Variants in PARD3B observed in about 807,000 individuals in gnomAD.
The protein encoded by PARD3B is par-3 family cell polarity regulator beta, also known as partitioning defective 3 homolog B.
PARD3B carries 103 observed loss-of-function variants against 130.2 expected under a neutral mutation model. That is an observed-to-expected ratio of 0.79 (90% CI 0.67 to 0.93). PARD3B has a LOEUF of 0.93. Ranked by LOEUF, PARD3B falls within the 40% of genes least tolerant of loss-of-function variation. The pLI, the probability that PARD3B is intolerant of heterozygous loss-of-function variation, is 0.00. For synonymous variants in PARD3B, 583 were observed against 553.2 expected, an observed-to-expected ratio of 1.05 and a Z score of -0.76; for missense variants, 1,609 against 1,499.2, an observed-to-expected ratio of 1.07 and a Z score of -1.21.
At chr2:205,492,447 A>G (rs1048713574) in intron 20 of PARD3B, among the ~76,000 whole-genome samples, 1 of 152,210 alleles carries the variant, frequency 6.6e-6, no homozygotes, top group Non-Finnish European at 1.5e-5. Flanking sequence ...AAATGTCCAT[A>G]TAAGCTAAGA....
At chr2:204,935,665 C>T (rs1461985632) in intron 2 of PARD3B, among the ~76,000 whole-genome samples, 1 of 151,972 alleles carries the variant, frequency 6.6e-6, no homozygotes, top group East Asian at 1.9e-4. Context: ...AGTATTTTGT[C>T]AAGTATATCA....
At chr2:205,594,674 G>A (rs969260563) in intron 22 of PARD3B, among the ~76,000 whole-genome samples, 1 of 152,192 alleles carries the variant, frequency 6.6e-6, no homozygotes, top group African/African-American at 2.4e-5. Flanking sequence ...GAATTTTTAT[G>A]TGAAAGCCCT....
chr2:205,095,057 G>A (rs1415630523), intron 4 of PARD3B, among the ~76,000 whole-genome samples: 1 of 152,052 alleles, frequency 6.6e-6, no homozygotes, highest in African/African-American at 2.4e-5. Context: ...AATGAAAGAA[G>A]GATGTTTATA....
At chr2:204,827,739 G>A (rs1018486135) in intron 2 of PARD3B, among the ~76,000 whole-genome samples, 2 of 152,218 alleles carry the variant, frequency 1.3e-5, no homozygotes, top group Non-Finnish European at 2.9e-5. Context: ...CTTTACTACA[G>A]TTTTGAAATA....
intron 1 of PARD3B, among the ~76,000 whole-genome samples, chr2:204,601,333 T>C (rs1346923295): frequency 6.6e-6 from 1 of 151,992 alleles, no homozygotes; most frequent in African/African-American, 2.4e-5. Flanking sequence ...GCAGGCACGC[T>C]GATGGGTTTT....
At chr2:204,704,323 G>T (rs80328193) in intron 2 of PARD3B, among the ~76,000 whole-genome samples, 3 of 152,140 alleles carry the variant, frequency 2.0e-5, no homozygotes, top group Admixed American at 6.5e-5. Context: ...AAAGATGAAC[G>T]TTGAAACTGT....
intron 18 of PARD3B, among the ~76,000 whole-genome samples, chr2:205,307,035 T>C (rs1559644436): frequency 6.6e-6 from 1 of 152,248 alleles, no homozygotes; most frequent in Non-Finnish European, 1.5e-5. Context: ...CATGCAGTTA[T>C]ACCATGTAGA....
chr2:204,842,366 T>G (rs942446751), intron 2 of PARD3B, among the ~76,000 whole-genome samples: 4 of 152,108 alleles, frequency 2.6e-5, no homozygotes, highest in Non-Finnish European at 5.9e-5. Context: ...TGCTACAGAA[T>G]TGAGGTGGTT....
chr2:205,570,131 C>T (rs1333678978), intron 22 of PARD3B, among the ~76,000 whole-genome samples: 3 of 152,132 alleles, frequency 2.0e-5, no homozygotes, highest in African/African-American at 4.8e-5. Flanking sequence ...ATGAGAGGAG[C>T]GGTTCTTAAT....
At position 204,664,043 on chromosome 2, in the gene PARD3B, A is replaced by G. The variant is rs2035926268; in HGVS notation, c.121-22138A>G. Among the ~76,000 whole-genome samples, 2 of 152,114 alleles carry G rather than the reference A, an allele frequency of 1.3e-5. No homozygotes were observed. Among genetic ancestry groups the G allele is most frequent in the African/African-American group, 2.4e-5 (1 of 41,432 alleles). ...AGTAAACTCATATTGTTCAAAGAAT[A>G]GGGCCCTTAATTGGGTGGGATTTTT... On this transcript the variant is annotated intron_variant, in intron 1 of 22. Coordinates refer to ENST00000406610, the MANE Select transcript of PARD3B (RefSeq NM_001302769.2). The surrounding 1 kb of genome is among the most constrained non-coding windows in gnomAD (Gnocchi z 5.2).
At chr2:205,515,096 T>A (rs1390987630) in intron 21 of PARD3B, among the ~76,000 whole-genome samples, 1 of 152,140 alleles carries the variant, frequency 6.6e-6, no homozygotes, top group Non-Finnish European at 1.5e-5. Flanking sequence ...CAGTACTTGG[T>A]TTTCTGTTCC....
At chr2:204,609,187 AG>A (rs1171565166) in intron 1 of PARD3B, among the ~76,000 whole-genome samples, 2 of 152,184 alleles carry the variant, frequency 1.3e-5, no homozygotes, top group Non-Finnish European at 2.9e-5. Context: ...TAAGTCTTTG[AG>A]TGTATCAAGT....
intron 1 of PARD3B, among the ~76,000 whole-genome samples, chr2:204,585,989 G>T (rs540843125): frequency 6.6e-5 from 10 of 152,224 alleles, no homozygotes; most frequent in African/African-American, 2.4e-4. Flanking sequence ...AAAGAAAAAT[G>T]GAATTATAGT....
intron 1 of PARD3B, among the ~76,000 whole-genome samples, chr2:204,630,212 A>C (rs763832): frequency 0.69 from 104,168 of 151,962 alleles, 37,204 homozygotes; most frequent in East Asian, 0.8. Flanking sequence ...ACCATGGGTA[A>C]TGTTAGCAGG....
intron 11 of PARD3B, among the ~76,000 whole-genome samples, chr2:205,170,827 T>C (rs1442915220): frequency 6.6e-6 from 1 of 152,108 alleles, no homozygotes; most frequent in African/African-American, 2.4e-5. Flanking sequence ...TTCATTCTGT[T>C]AATTTGACCA....
intron 22 of PARD3B, among the ~76,000 whole-genome samples, chr2:205,605,729 C>A (rs563221623): frequency 3.3e-5 from 5 of 152,192 alleles, no homozygotes; most frequent in Non-Finnish European, 7.3e-5. Flanking sequence ...TCAGGAGGCA[C>A]GGGAACTGGG....
intron 20 of PARD3B, among the ~76,000 whole-genome samples, chr2:205,467,660 T>C (rs1478180289): frequency 6.6e-6 from 1 of 152,162 alleles, no homozygotes; most frequent in East Asian, 1.9e-4. Flanking sequence ...ATTTTGAGTG[T>C]TCAGTAATCA....
chr2:205,487,881 A>G (rs1230023218), intron 20 of PARD3B, among the ~76,000 whole-genome samples: 1 of 152,158 alleles, frequency 6.6e-6, no homozygotes, highest in African/African-American at 2.4e-5. Flanking sequence ...TTTCTTTGAG[A>G]AGGCGTGAGT....
chr2:204,729,992 C>CACAA (rs1553513310), intron 2 of PARD3B, among the ~76,000 whole-genome samples: 5 of 117,160 alleles, frequency 4.3e-5, no homozygotes, highest in Non-Finnish European at 8.7e-5. Context: ...GATACACACA[C>CACAA]ACACAAACAC....
Sources: gnomAD v4.1 joint callset for allele counts (sites outside exome capture counted in the v4.1 genomes callset) on GRCh38, gnomAD v4.1.1 for gene constraint, Gnocchi (gnomAD v3.1) non-coding constraint, MANE v1.5 for transcripts, NCBI Gene and HGNC (gene_info 2026-07-23, HGNC 2026-07-21) for gene names.